STAM2: variants seen among roughly 807,000 people sequenced by gnomAD.
STAM2 encodes the protein signal transducing adapter molecule 2.
STAM2 carries 51 observed loss-of-function variants against 65.6 expected under a neutral mutation model. That is an observed-to-expected ratio of 0.78 (90% CI 0.62 to 0.98). The LOEUF (loss-of-function observed/expected upper bound fraction) is 0.98. STAM2 is among the 50% of genes least tolerant of loss of function. The probability of loss-of-function intolerance (pLI) is 0.00; values close to 1 mark genes in which losing one functional copy is unlikely to be tolerated. For missense variants in STAM2, 584 were observed against 617.8 expected (o/e 0.95, Z 0.58); for synonymous variants, 198 against 208.4 (o/e 0.95, Z 0.43).
At chr2:152,154,407 G>A (rs905806716) in intron 1 of STAM2, among the ~76,000 whole-genome samples, 1 of 152,176 alleles carries the variant, frequency 6.6e-6, no homozygotes, top group African/African-American at 2.4e-5. Flanking sequence ...AGTTGAGACA[G>A]GAGTTCAAGA....
intron 13 of STAM2, among the ~76,000 whole-genome samples, chr2:152,123,540 A>G (rs1688900160): frequency 6.6e-6 from 1 of 152,212 alleles, no homozygotes; most frequent in African/African-American, 2.4e-5. Flanking sequence ...TCATGGGCTT[A>G]GTCTCATAAA....
chr2:152,169,258 G>A (rs1689855749), intron 1 of STAM2, among the ~76,000 whole-genome samples: 1 of 152,018 alleles, frequency 6.6e-6, no homozygotes, highest in Admixed American at 6.6e-5. Context: ...TTATTTTTTG[G>A]TGTTGGTTTT....
At chr2:152,126,878 T>C (rs1335322272) in intron 11 of STAM2, among the ~76,000 whole-genome samples, 2 of 152,146 alleles carry the variant, frequency 1.3e-5, no homozygotes, top group Non-Finnish European at 2.9e-5. Flanking sequence ...TGCAAAGAAA[T>C]ATAACTTTGT....
chr2:152,121,690 A>G (rs1688855703), intron 13 of STAM2, among the ~76,000 whole-genome samples: 1 of 152,182 alleles, frequency 6.6e-6, no homozygotes, highest in Admixed American at 6.5e-5. Context: ...CTGAAAAATC[A>G]CACCAAATTG....
intron 1 of STAM2, among the ~76,000 whole-genome samples, chr2:152,173,144 C>G (rs1171430673): frequency 6.7e-6 from 1 of 148,752 alleles, no homozygotes; most frequent in Admixed American, 6.7e-5. Flanking sequence ...TAGATTAACA[C>G]AATGCTTGAC....
At chr2:152,171,948 T>C (rs1188621531) in intron 1 of STAM2, among the ~76,000 whole-genome samples, 1 of 152,262 alleles carries the variant, frequency 6.6e-6, no homozygotes, top group Middle Eastern at 3.4e-3. Context: ...AAGTCATGAC[T>C]TGGAAATCAA....
intron 1 of STAM2, among the ~76,000 whole-genome samples, chr2:152,164,341 CTTT>C (rs1195012082): frequency 2.1e-5 from 3 of 141,810 alleles, no homozygotes; most frequent in Admixed American, 7.1e-5. Flanking sequence ...CCATGATTAA[CTTT>C]TTTTTTTTTT....
rs1156700154 is a variant in STAM2, at chr2:152,119,612, G to C, written c.*962C>G. 6.6e-6 allele frequency: 1 copy of C among 152,178 alleles called. No homozygotes were observed. Among genetic ancestry groups the C allele is most frequent in the African/African-American group, 2.4e-5 (1 of 41,448 alleles). 9.4% of individuals were successfully genotyped at this position (152,178 alleles called of 1,614,324 possible). ...AATTCACACGCAATCCCATAAAAAGGATATGCAGCATCTCTGCACACCACA... is the reference window on the plus strand; with the variant it reads ...AATTCACACGCAATCCCATAAAAAGCATATGCAGCATCTCTGCACACCACA... On this transcript the variant is annotated 3_prime_UTR_variant, in exon 14 of 14. Coordinates refer to ENST00000263904, the MANE Select transcript of STAM2 (RefSeq NM_005843.6).
At chr2:152,131,090 GA>G in intron 11 of STAM2, among the ~76,000 whole-genome samples, 1 of 151,726 alleles carries the variant, frequency 6.6e-6, no homozygotes, top group East Asian at 1.9e-4. Context: ...AATGAAAAGA[GA>G]AGGTGTGATT....
At chr2:152,125,513 C>CA (rs1389018564) in intron 12 of STAM2, among the ~76,000 whole-genome samples, 5 of 152,010 alleles carry the variant, frequency 3.3e-5, no homozygotes, top group Non-Finnish European at 7.4e-5. Flanking sequence ...GCTGAAATTT[C>CA]AAAAAACGCT....
intron 7 of STAM2, among the ~76,000 whole-genome samples, chr2:152,138,942 T>C (rs1452436296): frequency 6.6e-6 from 1 of 152,204 alleles, no homozygotes; most frequent in African/African-American, 2.4e-5. Flanking sequence ...TCCTTAGTGG[T>C]TCTACCAATA....
At chr2:152,139,877 T>TA (rs1260283747) in intron 7 of STAM2, among the ~76,000 whole-genome samples, 1 of 152,098 alleles carries the variant, frequency 6.6e-6, no homozygotes, top group Non-Finnish European at 1.5e-5. Context: ...ATATTGTATT[T>TA]AAAAATACAA....
intron 1 of STAM2, among the ~76,000 whole-genome samples, chr2:152,165,109 A>G (rs1424441324): frequency 1.3e-5 from 2 of 151,990 alleles, no homozygotes; most frequent in Non-Finnish European, 1.5e-5. Flanking sequence ...TGTGCTAGAC[A>G]TTTTCTAGTG....
chr2:152,123,168 G>A (rs1221298186), intron 13 of STAM2, among the ~76,000 whole-genome samples: 3 of 151,722 alleles, frequency 2.0e-5, no homozygotes, highest in African/African-American at 7.3e-5. Context: ...TCAGGAGTTC[G>A]AGACCAGCCT....
At chr2:152,122,055 AAAAT>A (rs746596109) in intron 13 of STAM2, among the ~76,000 whole-genome samples, 184 of 104,196 alleles carry the variant, frequency 1.8e-3, no homozygotes, top group East Asian at 5.2e-3. Flanking sequence ...CCCCAAAAAA[AAAAT>A]ATATATATAT....
chr2:152,130,795 G>A (rs1348708958), intron 11 of STAM2, among the ~76,000 whole-genome samples: 4 of 151,364 alleles, frequency 2.6e-5, no homozygotes, highest in African/African-American at 7.3e-5. Flanking sequence ...TCAGGAGTTC[G>A]AGATCAGCCT....
At position 152,142,925 on chromosome 2, in the gene STAM2, G is replaced by A. The variant is rs545597841; in HGVS notation, c.704+902C>T. Among the ~76,000 whole-genome samples, 8 of 152,252 alleles carry A rather than the reference G, an allele frequency of 5.3e-5. No homozygotes were observed. In the East Asian group the frequency reaches 9.6e-4, roughly 18 times the overall value. ...CAAGATACACACCTGAAATGGAGCC[G>A]CAGGATAAGCCTTCTTTGCCAGATG... On this transcript the variant is annotated intron_variant, in intron 7 of 13. Transcript: ENST00000263904.
intron 1 of STAM2, among the ~76,000 whole-genome samples, chr2:152,171,562 T>G (rs566633371): frequency 6.6e-6 from 1 of 152,376 alleles, no homozygotes; most frequent in South Asian, 2.1e-4. Flanking sequence ...TTATAAAATT[T>G]CACTGGAGAA....
Position 152,133,461 on chromosome 2 carries a change from T to TA in STAM2, c.822_823insT (p.Ile275TyrfsTer2). ...TTAATTTCCTCCACATCATCATCAATTACATTCAATTTGTCCACAGCCGCT... is the reference window on the plus strand; with the variant it reads ...TTAATTTCCTCCACATCATCATCAATATACATTCAATTTGTCCACAGCCGCT... On this transcript the variant is annotated frameshift_variant, in exon 9 of 14. Coordinates refer to ENST00000263904, the MANE Select transcript of STAM2 (RefSeq NM_005843.6). LOFTEE classifies it high-confidence loss of function. The TA allele has an allele frequency of 6.2e-7, 1 of 1,612,726 alleles. No individual in the cohort carries two copies. The highest frequency in any genetic ancestry group is 8.5e-7 in the Non-Finnish European group (1 of 1,179,224).
Sources: allele counts gnomAD v4.1 joint callset (sites outside exome capture counted in the v4.1 genomes callset), GRCh38; gene constraint gnomAD v4.1.1; transcripts MANE v1.5; gene names NCBI Gene and HGNC (gene_info 2026-07-23, HGNC 2026-07-21).